BIN2: variants seen among roughly 807,000 people sequenced by gnomAD.
The protein encoded by BIN2 is bridging integrator 2, also known as breast cancer associated protein BRAP1.
In BIN2, 43 loss-of-function variants were observed where a neutral mutation model predicts 67.9. The ratio of observed to expected loss-of-function variants is 0.63; its 90% CI spans 0.50 to 0.82. The LOEUF is 0.82. Ranked by LOEUF, BIN2 falls within the 40% of genes least tolerant of loss-of-function variation. The probability of loss-of-function intolerance (pLI) is 0.00; values close to 1 mark genes in which losing one functional copy is unlikely to be tolerated. For missense variants in BIN2, 581 were observed against 671.6 expected (o/e 0.87, Z 1.49); for synonymous variants, 244 against 246.8 (o/e 0.99, Z 0.11).
intron 2 of BIN2, among the ~76,000 whole-genome samples, chr12:51,312,222 T>A (rs1201603682): frequency 1.3e-5 from 2 of 152,148 alleles, no homozygotes; most frequent in African/African-American, 4.8e-5. Context: ...TCACAAAAGA[T>A]CCTATGAAAA....
rs577767489 is a variant in BIN2, at chr12:51,295,951, C to T, written c.679-73G>A. On this transcript the variant is annotated intron_variant, in intron 8 of 12. Coordinates refer to ENST00000615107, the MANE Select transcript of BIN2 (RefSeq NM_016293.4). Reference sequence around the variant, plus strand: ...GAGTGGCATATCCCTTCTCCCCTCCCCTTCAGACAGCTTCCCAAAATAAAA... The same window carrying T: ...GAGTGGCATATCCCTTCTCCCCTCCTCTTCAGACAGCTTCCCAAAATAAAA... 5 of 1,188,694 alleles carry T rather than the reference C, an allele frequency of 4.2e-6. No homozygotes were observed. In the Admixed American group the frequency reaches 7.5e-5, roughly 18 times the overall value. The allele number at this position is 1,188,694 out of a possible 1,614,324, so 73.6% of individuals were successfully genotyped here. A position where few individuals can be genotyped will look rare whatever the true frequency, so the allele number is the denominator to read the frequency against.
intron 8 of BIN2, 59 bp downstream of exon 8, chr12:51,297,030 T>C: frequency 6.9e-7 from 1 of 1,458,748 alleles, no homozygotes; most frequent in South Asian, 1.2e-5. Flanking sequence ...AAGTCAAGGC[T>C]ACCTTCATAT....
chr12:51,310,292 A>C (rs1945963820), intron 2 of BIN2, among the ~76,000 whole-genome samples: 1 of 152,246 alleles, frequency 6.6e-6, no homozygotes, highest in Admixed American at 6.5e-5. Flanking sequence ...AAATTGCAGG[A>C]CAAACAACCT....
chr12:51,320,073 C>A (rs991694533), intron 1 of BIN2, among the ~76,000 whole-genome samples: 1 of 152,124 alleles, frequency 6.6e-6, no homozygotes, highest in African/African-American at 2.4e-5. Flanking sequence ...GCAACCTCCA[C>A]CTCCCAGATT....
intron 10 of BIN2, 99 bp downstream of exon 10, chr12:51,291,492 G>A: frequency 8.2e-7 from 1 of 1,217,138 alleles, no homozygotes; most frequent in Non-Finnish European, 1.1e-6. Context: ...GCAATGAGCT[G>A]TGATCGCACC....
In BIN2 at chr12:51,292,174, T is replaced by G; in HGVS notation, c.932A>C (p.Glu311Ala). The G allele has an allele frequency of 1.2e-6, 2 of 1,613,712 alleles. No homozygotes were observed. The highest frequency in any genetic ancestry group is 2.2e-5 in the South Asian group (2 of 91,090). ...CTCCTCTTCTAAGAGCTCCTTGATC[T>G]CAGAATTGTCTTCCCCTTGGGCTGC... ...PDAAQGEDNS[E>A]IKELLEEEEI... The change falls in exon 10 of 13, where the codon GAG becomes GCG. Residue 311 changes from glutamate (E) to alanine (A), a missense_variant. By Grantham distance (107) the Glu-to-Ala change is moderately radical. Transcript: ENST00000615107.
chr12:51,318,582 G>T (rs1180079612), intron 1 of BIN2, among the ~76,000 whole-genome samples: 1 of 152,118 alleles, frequency 6.6e-6, no homozygotes, highest in African/African-American at 2.4e-5. Flanking sequence ...TAATCCGGGG[G>T]TGTGTCTCAT....
At chr12:51,299,082 A>C in intron 7 of BIN2, 121 bp downstream of exon 7, 1 of 674,748 alleles carries the variant, frequency 1.5e-6, no homozygotes, top group Non-Finnish European at 2.4e-6. Context: ...CTCGAAAAAA[A>C]AAAAAAGGGG....
At chr12:51,303,039 A>G in intron 3 of BIN2, 48 bp downstream of exon 3, 3 of 1,590,802 alleles carry the variant, frequency 1.9e-6, no homozygotes, top group Non-Finnish European at 1.7e-6. Context: ...CAAACCTCCT[A>G]GTAGCTGTAT....
rs536678150 is a variant in BIN2, at chr12:51,304,754, C to T, written c.163-1613G>A. ...AAAACTGGCCAGGCGCAGTGGCTCA[C>T]GCCTGTAATCCCAGCACTTAGGGAG... On this transcript the variant is annotated intron_variant, in intron 2 of 12. Coordinates refer to ENST00000615107, the MANE Select transcript of BIN2 (RefSeq NM_016293.4). Among the ~76,000 whole-genome samples, 15 of 152,344 alleles carry T rather than the reference C, an allele frequency of 9.8e-5. No homozygotes were observed. In the South Asian group the frequency reaches 2.3e-3, roughly 23 times the overall value.
chr12:51,304,451 T>C lies in BIN2; in HGVS notation c.163-1310A>G, dbSNP rs534881984. Among the ~76,000 whole-genome samples, 4 of 152,300 alleles carry C rather than the reference T, an allele frequency of 2.6e-5. No individual in the cohort carries two copies. In the South Asian group the frequency reaches 8.3e-4, roughly 32 times the overall value. On this transcript the variant is annotated intron_variant, in intron 2 of 12. Coordinates refer to ENST00000615107, the MANE Select transcript of BIN2 (RefSeq NM_016293.4). ...GGTCTCCTTCCTATGTGTAAACTCA[T>C]TTTGAAGAGTTGGTTGGGAATTTAA...
intron 10 of BIN2, among the ~76,000 whole-genome samples, chr12:51,290,883 A>T (rs527416060): frequency 2.9e-4 from 44 of 152,220 alleles, no homozygotes; most frequent in Non-Finnish European, 5.9e-4. Context: ...CAGTGAGCAG[A>T]GATCGTGCCA....
intron 7 of BIN2, 157 bp from the exon 8 acceptor site, chr12:51,297,321 C>T: frequency 3.2e-6 from 2 of 625,610 alleles, no homozygotes; most frequent in South Asian, 2.0e-5. Context: ...GTAATCCCAG[C>T]ACTTTGGGAG....
chr12:51,306,029 G>C (rs969750361), intron 2 of BIN2, among the ~76,000 whole-genome samples: 3 of 151,528 alleles, frequency 2.0e-5, no homozygotes, highest in African/African-American at 7.3e-5. Context: ...GTAGAGACAG[G>C]GTTTCACTGT....
At chr12:51,296,365 T>A (rs535626341) in intron 8 of BIN2, among the ~76,000 whole-genome samples, 6 of 151,832 alleles carry the variant, frequency 4.0e-5, no homozygotes, top group Non-Finnish European at 5.9e-5. Flanking sequence ...GGCGTGGTGG[T>A]GGGCACCTGT....
Position 51,324,036 on chromosome 12 carries a change from T to C in BIN2, c.67A>G (p.Arg23Gly). Residue 23 changes from arginine to glycine, a missense_variant, in exon 1 of 13, where the codon AGG (arginine) becomes GGG (glycine). Coordinates refer to ENST00000615107, the MANE Select transcript of BIN2 (RefSeq NM_016293.4). Reference protein sequence around the residue: ...FAKQVQKKFSRAQEKVLQKLG... With the variant: ...FAKQVQKKFSGAQEKVLQKLG... Reference sequence around the variant, plus strand: ...CGGCCACCTACCTTCTCCTGGGCCCTGCTAAACTTCTTCTGCACCTGCTTG... The same window carrying C: ...CGGCCACCTACCTTCTCCTGGGCCCCGCTAAACTTCTTCTGCACCTGCTTG... 6.2e-7 allele frequency: 1 copy of C among 1,613,480 alleles called. No homozygotes were observed. Among genetic ancestry groups the C allele is most frequent in the Non-Finnish European group, 8.5e-7 (1 of 1,179,656 alleles).
rs1592268708 is a variant in BIN2 at position 51,302,935 on chromosome 12, G to C, written c.217+152C>G. On this transcript the variant is annotated intron_variant, in intron 3 of 12. Coordinates refer to ENST00000615107, the MANE Select transcript of BIN2 (RefSeq NM_016293.4). ...AAGCTGGATGGGGCTGAAAGGAAAAGTCACTCTTCCTCAGCCCACAAAATT... is the reference window on the plus strand; with the variant it reads ...AAGCTGGATGGGGCTGAAAGGAAAACTCACTCTTCCTCAGCCCACAAAATT... 7.1e-6 allele frequency: 8 copies of C among 1,128,742 alleles called. No homozygotes were observed. In the East Asian group the frequency reaches 1.9e-4, roughly 27 times the overall value. 69.9% of individuals were successfully genotyped at this position (1,128,742 alleles called of 1,614,324 possible).
At chr12:51,323,361 T>C (rs1210023073) in intron 1 of BIN2, 1 of 150,252 alleles carries the variant, frequency 6.7e-6, no homozygotes, top group Non-Finnish European at 1.5e-5. Flanking sequence ...TAAGTGCCAG[T>C]GCTGGAGCAG....
At chr12:51,309,678 A>T (rs905034971) in intron 2 of BIN2, among the ~76,000 whole-genome samples, 1 of 152,138 alleles carries the variant, frequency 6.6e-6, no homozygotes, top group Non-Finnish European at 1.5e-5. Context: ...ACCCAGCTAG[A>T]AGCTTTTCCT....
Sources: allele counts gnomAD v4.1 joint callset (sites outside exome capture counted in the v4.1 genomes callset), GRCh38; gene constraint gnomAD v4.1.1; transcripts MANE v1.5; gene names NCBI Gene and HGNC (gene_info 2026-07-23, HGNC 2026-07-21).